Variants in SREBF2 observed in about 807,000 individuals in gnomAD.
SREBF2 encodes the protein sterol regulatory element binding transcription factor 2.
SREBF2 carries 55 observed loss-of-function variants against 113.1 expected under a neutral mutation model. That is an observed-to-expected ratio of 0.49 (90% CI 0.39 to 0.61). The LOEUF is 0.61. Ranked by LOEUF, SREBF2 falls within the 20% of genes least tolerant of loss-of-function variation. SREBF2 has a pLI of 0.00. For missense variants in SREBF2, 1,349 were observed against 1,487.4 expected (o/e 0.91, Z 1.53); for synonymous variants, 593 against 605.7 (o/e 0.98, Z 0.31).
At chr22:41,865,561 G>A (rs1231371686) in intron 1 of SREBF2, among the ~76,000 whole-genome samples, 2 of 152,172 alleles carry the variant, frequency 1.3e-5, no homozygotes, top group East Asian at 3.9e-4. Flanking sequence ...AGAGGCCCTG[G>A]AAGTAGGCTT....
At chr22:41,896,462 C>T (rs370142592) in intron 13 of SREBF2, among the ~76,000 whole-genome samples, 7 of 152,196 alleles carry the variant, frequency 4.6e-5, no homozygotes, top group African/African-American at 1.7e-4. Flanking sequence ...TGGGTTCAAG[C>T]GGTTCTCCTG....
chr22:41,856,264 C>G (rs2076976970), intron 1 of SREBF2, among the ~76,000 whole-genome samples: 1 of 152,046 alleles, frequency 6.6e-6, no homozygotes. Context: ...GTAGCTGGGC[C>G]TACAGGTGCG....
Position 41,868,768 on chromosome 22 carries a change from T to C in SREBF2, c.696T>C (p.Ala232=). ...CCCCGGCTACGGTGCAGACAGTTGC[T>C]GCGCCACAGGTGCAGCAGGTCCCGG... ...TLAPATVQTV[A]APQVQQVPVL... Residue 232 remains alanine (A), a synonymous_variant, in exon 3 of 19, where the codon GCT becomes GCC. Coordinates refer to ENST00000361204, the MANE Select transcript of SREBF2 (RefSeq NM_004599.4). The C allele has an allele frequency of 1.2e-6, 2 of 1,613,246 alleles. No individual in the cohort carries two copies. Among genetic ancestry groups the C allele is most frequent in the Non-Finnish European group, 1.7e-6 (2 of 1,179,588 alleles).
intron 16 of SREBF2, among the ~76,000 whole-genome samples, chr22:41,902,719 C>T: frequency 6.6e-6 from 1 of 152,230 alleles, no homozygotes; most frequent in Non-Finnish European, 1.5e-5. Context: ...GCTGCTGTCC[C>T]TGTCAGAGCC....
chr22:41,900,291 CAT>C (rs1384944764), intron 15 of SREBF2, 37 bp from the exon 16 acceptor site: 3 of 1,604,238 alleles, frequency 1.9e-6, no homozygotes, highest in South Asian at 1.1e-5. Context: ...GCAGGTGACA[CAT>C]AGTGACCTGC....
chr22:41,841,006 C>T lies in SREBF2; in HGVS notation c.88+7648C>T, dbSNP rs181301690. ...TTGGCAGAGTATCCTGCATGCAGTA[C>T]CTGGCACTGAATAGGCACTCTGTAA... On this transcript the variant is annotated intron_variant, in intron 1 of 18. Transcript: ENST00000361204. 2.4e-3 allele frequency among the ~76,000 whole-genome samples: 365 copies of T among 152,248 alleles called. 2 individuals are homozygous for T. The highest frequency in any genetic ancestry group is 1.9e-3 in the Non-Finnish European group (127 of 68,022).
intron 11 of SREBF2, among the ~76,000 whole-genome samples, chr22:41,890,718 G>A (rs2148408247): frequency 6.6e-6 from 1 of 151,688 alleles, no homozygotes; most frequent in East Asian, 1.9e-4. Flanking sequence ...CACCAGCGTG[G>A]CCAAGATGGT....
At position 41,833,322 on chromosome 22, in the gene SREBF2, G is replaced by C; in HGVS notation, c.52G>C (p.Glu18Gln). The C allele has an allele frequency of 2.6e-6, 4 of 1,519,946 alleles. No individual in the cohort carries two copies. Among genetic ancestry groups the C allele is most frequent in the Non-Finnish European group, 3.5e-6 (4 of 1,131,118 alleles). The allele number at this position is 1,519,946 out of a possible 1,614,324, so 94.2% of individuals were successfully genotyped here. A position where few individuals can be genotyped will look rare whatever the true frequency, so the allele number is the denominator to read the frequency against. The change falls in exon 1 of 19, where the codon GAG (glutamate) becomes CAG (glutamine). Residue 18 changes from glutamate (E) to glutamine (Q), a missense_variant. Glu to Gln is a conservative substitution (Grantham distance 29). Coordinates refer to ENST00000361204, the MANE Select transcript of SREBF2 (RefSeq NM_004599.4). This position sits in a 1 kb window ranked among gnomAD's most constrained non-coding sequence, Gnocchi z 4.1. Reference sequence around the variant, plus strand: ...TCTGGAGACCATGGAGACCCTCACGGAGCTGGGCGACGAGCTGACCCTGGG... The same window carrying C: ...TCTGGAGACCATGGAGACCCTCACGCAGCTGGGCGACGAGCTGACCCTGGG... ...GGLETMETLT[E>Q]LGDELTLGDI... is the part of the protein sequence containing the mutation.
chr22:41,881,098 C>A, intron 10 of SREBF2, 106 bp downstream of exon 10: 2 of 1,444,736 alleles, frequency 1.4e-6, no homozygotes, highest in Non-Finnish European at 9.4e-7. Flanking sequence ...GTCCCTTTAA[C>A]GCTACTCTTT....
rs1569394626 is a variant in SREBF2, at chr22:41,873,853, A to G, written c.923A>G (p.Gln308Arg). ...ACCACAATGCCTGTAATGATGGGGC[A>G]AGAGAAAGTGCCCATTAAGCAGGTA... ...ILTTMPVMMG[Q>R]EKVPIKQVPG... Residue 308 changes from glutamine to arginine, a missense_variant, in exon 5 of 19, where the codon CAA (glutamine) becomes CGA (arginine). Physicochemically the swap from Gln to Arg is conservative, Grantham distance 43. Coordinates refer to ENST00000361204, the MANE Select transcript of SREBF2 (RefSeq NM_004599.4). The G allele has an allele frequency of 1.2e-6, 2 of 1,613,466 alleles. No individual in the cohort carries two copies. Among genetic ancestry groups the G allele is most frequent in the East Asian group, 2.2e-5 (1 of 44,878 alleles).
intron 11 of SREBF2, among the ~76,000 whole-genome samples, chr22:41,888,276 A>T (rs1346651701): frequency 6.6e-6 from 1 of 152,180 alleles, no homozygotes; most frequent in East Asian, 1.9e-4. Flanking sequence ...TACTCTTTAC[A>T]CATATGTACC....
intron 1 of SREBF2, among the ~76,000 whole-genome samples, chr22:41,864,840 C>T (rs951851976): frequency 2.0e-5 from 3 of 152,078 alleles, no homozygotes; most frequent in African/African-American, 7.2e-5. Context: ...GTGGTCCCAG[C>T]TACTCAGGAG....
intron 1 of SREBF2, among the ~76,000 whole-genome samples, chr22:41,836,039 G>T (rs1311216730): frequency 6.6e-6 from 1 of 152,250 alleles, no homozygotes; most frequent in African/African-American, 2.4e-5. Flanking sequence ...CAGTGGTTCA[G>T]TGGCTTCATA....
chr22:41,833,258 G>T lies in SREBF2; in HGVS notation c.-13G>T. 6.6e-7 allele frequency: 1 copy of T among 1,522,810 alleles called. No individual in the cohort carries two copies. The highest frequency in any genetic ancestry group is 1.2e-5 in the South Asian group (1 of 81,214). 94.3% of individuals were successfully genotyped at this position (1,522,810 alleles called of 1,614,324 possible). A position where few individuals can be genotyped will look rare whatever the true frequency, so the allele number is the denominator to read the frequency against. On this transcript the variant is annotated 5_prime_UTR_variant, in exon 1 of 19. Transcript: ENST00000361204. This position sits in a 1 kb window ranked among gnomAD's most constrained non-coding sequence, Gnocchi z 4.1. ...GCGGGACGGCAGGGGGGGCTTCTGC[G>T]CTGAGCCGGGCGATGGACGACAGCG...
Position 41,875,324 on chromosome 22 carries a change from TCTTC to T in SREBF2, c.1090-10_1090-7del. The T allele has an allele frequency of 6.2e-7, 1 of 1,611,714 alleles. No individual in the cohort carries two copies. The highest frequency in any genetic ancestry group is 8.5e-7 in the Non-Finnish European group (1 of 1,177,936). On this transcript the variant is annotated splice_polypyrimidine_tract_variant and intron_variant, in intron 5 of 18. Coordinates refer to ENST00000361204, the MANE Select transcript of SREBF2 (RefSeq NM_004599.4). ...ACTGGTCTCACTGTGTTTTCACTCA[TCTTC>T]CTACCCAGATGCACAAGTCTGGCGT...
rs1185718906 is a variant in SREBF2 at position 41,890,893 on chromosome 22, G to A, written c.2209-2224G>A. Reference sequence around the variant, plus strand: ...ACTGCACTCCAGCCTGGGTGACAGAGCAAGACTCTGTCTTTAAAAAAAAAA... The same window carrying A: ...ACTGCACTCCAGCCTGGGTGACAGAACAAGACTCTGTCTTTAAAAAAAAAA... On this transcript the variant is annotated intron_variant, in intron 11 of 18. Transcript: ENST00000361204. 4.6e-5 allele frequency among the ~76,000 whole-genome samples: 7 copies of A among 151,524 alleles called. No individual in the cohort carries two copies. In the South Asian group the frequency reaches 1.2e-3, roughly 27 times the overall value.
At chr22:41,864,235 T>C (rs2077050503) in intron 1 of SREBF2, among the ~76,000 whole-genome samples, 1 of 64,824 alleles carries the variant, frequency 1.5e-5, no homozygotes, top group Admixed American at 2.1e-4. Context: ...TATATATATA[T>C]ATATATATAT....
At chr22:41,836,054 C>T (rs2076771678) in intron 1 of SREBF2, among the ~76,000 whole-genome samples, 1 of 152,252 alleles carries the variant, frequency 6.6e-6, no homozygotes, top group South Asian at 2.1e-4. Flanking sequence ...TTCATAGGTC[C>T]ATTAGGTTTG....
intron 1 of SREBF2, among the ~76,000 whole-genome samples, chr22:41,837,499 A>C (rs1201361448): frequency 1.3e-5 from 2 of 150,968 alleles, no homozygotes; most frequent in Non-Finnish European, 2.9e-5. Context: ...CAGAGGTTGC[A>C]GTAAGCTGAG....
Sources: allele counts gnomAD v4.1 joint callset (sites outside exome capture counted in the v4.1 genomes callset), GRCh38; gene constraint gnomAD v4.1.1; non-coding constraint Gnocchi (gnomAD v3.1); transcripts MANE v1.5; gene names NCBI Gene and HGNC (gene_info 2026-07-23, HGNC 2026-07-21).